The following KAT2B variants were observed in gnomAD, a reference collection of about 807,000 sequenced individuals.
KAT2B encodes lysine acetyltransferase 2B, also known as histone acetyltransferase KAT2B.
KAT2B carries 36 observed loss-of-function variants against 105.9 expected under a neutral mutation model. The ratio of observed to expected loss-of-function variants is 0.34; its 90% CI spans 0.26 to 0.45. The LOEUF (loss-of-function observed/expected upper bound fraction) is 0.45, where lower values mean the gene tolerates loss of function less well. Among genes scored for constraint, KAT2B ranks in the 20% least tolerant of loss-of-function variants. The pLI is 1.00. For synonymous variants in KAT2B, 397 were observed against 377.9 expected, an observed-to-expected ratio of 1.05 and a Z score of -0.59; for missense variants, 820 against 1,021.6, an observed-to-expected ratio of 0.80 and a Z score of 2.69.
At position 20,063,534 on chromosome 3, in the gene KAT2B, C is replaced by CTTTTTTTTTT. The variant is rs36058009; in HGVS notation, c.304-8778_304-8769dup. On this transcript the variant is annotated intron_variant, in intron 1 of 17. Transcript: ENST00000263754. ...CTCACAGCAACTTCTGAGTAGGCCT[C>CTTTTTTTTTT]TTTTTTTTTTTTTTTTTTTTTTTTT... Among the ~76,000 whole-genome samples, 14 of 88,840 alleles carry CTTTTTTTTTT rather than the reference C, an allele frequency of 1.6e-4. 2 individuals carry two copies. Among genetic ancestry groups the CTTTTTTTTTT allele is most frequent in the Non-Finnish European group, 3.1e-4 (14 of 45,372 alleles). 58.3% of individuals were successfully genotyped at this position (88,840 alleles called of 152,430 possible). A position where few individuals can be genotyped will look rare whatever the true frequency, so the allele number is the denominator to read the frequency against.
chr3:20,135,950 T>G (rs1371906310), intron 11 of KAT2B, among the ~76,000 whole-genome samples: 1 of 152,216 alleles, frequency 6.6e-6, no homozygotes, highest in Non-Finnish European at 1.5e-5. Flanking sequence ...AATTGGTCTA[T>G]CTCACCACCA....
intron 1 of KAT2B, among the ~76,000 whole-genome samples, chr3:20,058,633 A>C (rs1422001041): frequency 1.3e-5 from 2 of 152,000 alleles, no homozygotes; most frequent in Admixed American, 1.3e-4. Flanking sequence ...TCAGATTTTT[A>C]AAGTTCCCAT....
intron 1 of KAT2B, among the ~76,000 whole-genome samples, chr3:20,054,391 T>C (rs1697970108): frequency 6.6e-6 from 1 of 152,206 alleles, no homozygotes; most frequent in African/African-American, 2.4e-5. Context: ...CCTTCCAAAG[T>C]GCTGGGATTG....
At chr3:20,046,878 G>C (rs1444455120) in intron 1 of KAT2B, among the ~76,000 whole-genome samples, 1 of 152,134 alleles carries the variant, frequency 6.6e-6, no homozygotes, top group African/African-American at 2.4e-5. Flanking sequence ...GCAGTTGGGA[G>C]GAGGGAATGC....
intron 2 of KAT2B, among the ~76,000 whole-genome samples, chr3:20,088,281 G>T (rs1018858024): frequency 1.3e-5 from 2 of 152,168 alleles, no homozygotes; most frequent in Non-Finnish European, 2.9e-5. Flanking sequence ...AAGTGGAATT[G>T]CTGGGTCAGG....
chr3:20,079,987 T>G (rs1285386061), intron 2 of KAT2B, among the ~76,000 whole-genome samples: 1 of 152,158 alleles, frequency 6.6e-6, no homozygotes, highest in Non-Finnish European at 1.5e-5. Flanking sequence ...AAATCCTGTT[T>G]GATACTCCCT....
chr3:20,062,744 G>A (rs536312367), intron 1 of KAT2B, among the ~76,000 whole-genome samples: 121 of 152,052 alleles, frequency 8.0e-4, no homozygotes, highest in Non-Finnish European at 1.2e-3. Flanking sequence ...TTACAGGCGT[G>A]AGTCACCGTG....
At chr3:20,041,683 G>T (rs914109736) in intron 1 of KAT2B, among the ~76,000 whole-genome samples, 1 of 152,150 alleles carries the variant, frequency 6.6e-6, no homozygotes, top group African/African-American at 2.4e-5. Context: ...GCTGAGGGGG[G>T]CGGGGACTTG....
intron 11 of KAT2B, among the ~76,000 whole-genome samples, chr3:20,135,100 A>G (rs761868414): frequency 6.6e-5 from 10 of 152,264 alleles, no homozygotes; most frequent in South Asian, 2.1e-4. Flanking sequence ...CCATTTTACT[A>G]TCGTCTCCTC....
chr3:20,147,295 A>T (rs1699796599), intron 14 of KAT2B, among the ~76,000 whole-genome samples: 1 of 152,094 alleles, frequency 6.6e-6, no homozygotes, highest in South Asian at 2.1e-4. Flanking sequence ...TATCTCTATT[A>T]ATGACATAAT....
chr3:20,142,659 A>G (rs1226227503), intron 13 of KAT2B, among the ~76,000 whole-genome samples: 1 of 152,140 alleles, frequency 6.6e-6, no homozygotes, highest in Non-Finnish European at 1.5e-5. Context: ...TCCAAGGGAA[A>G]GGTAGGATCT....
rs368016653 is a variant in KAT2B at position 20,070,134 on chromosome 3, G to T, written c.304-2199G>T. 7.2e-5 allele frequency among the ~76,000 whole-genome samples: 11 copies of T among 152,178 alleles called. No individual in the cohort carries two copies. The East Asian group carries it at 1.8e-3, about 24-fold the overall frequency. On this transcript the variant is annotated intron_variant, in intron 1 of 17. Transcript: ENST00000263754. ...TAGCTATGGGGATGCTGATGTAGGT[G>T]CTTCTCCTGGCCCTGCCTTCTCCAT...
chr3:20,113,458 T>C (rs917307215), intron 6 of KAT2B, among the ~76,000 whole-genome samples: 1 of 152,228 alleles, frequency 6.6e-6, no homozygotes, highest in Admixed American at 6.5e-5. Flanking sequence ...TTGCTAATTA[T>C]AGTGTGTTTT....
intron 2 of KAT2B, among the ~76,000 whole-genome samples, chr3:20,087,652 C>T (rs1205697843): frequency 6.6e-6 from 1 of 152,204 alleles, no homozygotes; most frequent in Non-Finnish European, 1.5e-5. Flanking sequence ...ACCAGCATCT[C>T]TACCCGTACC....
rs1460242471 is a variant in KAT2B, at chr3:20,093,065, C to G, written c.431-2198C>G. On this transcript the variant is annotated intron_variant, in intron 2 of 17. Transcript: ENST00000263754. Reference sequence around the variant, plus strand: ...GCTGCTCCTGCTCCTTCAGGATCCCCTACCCCTTGGTGTTTAATCCTCTTA... The same window carrying G: ...GCTGCTCCTGCTCCTTCAGGATCCCGTACCCCTTGGTGTTTAATCCTCTTA... 3.3e-5 allele frequency among the ~76,000 whole-genome samples: 5 copies of G among 152,180 alleles called. No individual in the cohort carries two copies. In the East Asian group the frequency reaches 9.6e-4, roughly 29 times the overall value.
chr3:20,063,438 T>C (rs1275662788), intron 1 of KAT2B, among the ~76,000 whole-genome samples: 1 of 150,686 alleles, frequency 6.6e-6, no homozygotes, highest in African/African-American at 2.4e-5. Flanking sequence ...TCTTTCTTTC[T>C]TTCTTTTTTT....
intron 13 of KAT2B, among the ~76,000 whole-genome samples, chr3:20,142,935 G>T (rs1280692258): frequency 6.6e-6 from 1 of 152,090 alleles, no homozygotes; most frequent in East Asian, 1.9e-4. Context: ...ATGTATGTGT[G>T]GATAGGCTGG....
At chr3:20,118,464 C>G (rs1202635934) in intron 7 of KAT2B, among the ~76,000 whole-genome samples, 1 of 149,496 alleles carries the variant, frequency 6.7e-6, no homozygotes, top group East Asian at 1.9e-4. Context: ...CACCTGTAAT[C>G]CCAGCACTAT....
At chr3:20,105,031 G>A (rs1698975732) in intron 5 of KAT2B, among the ~76,000 whole-genome samples, 1 of 151,838 alleles carries the variant, frequency 6.6e-6, no homozygotes. Context: ...GATTACAAGT[G>A]CGTGCCACCA....
Sources: gnomAD v4.1 joint callset for allele counts (sites outside exome capture counted in the v4.1 genomes callset) on GRCh38, gnomAD v4.1.1 for gene constraint, MANE v1.5 for transcripts, NCBI Gene and HGNC (gene_info 2026-07-23, HGNC 2026-07-21) for gene names.